The following CNTN5 variants were observed in gnomAD, a reference collection of about 807,000 sequenced individuals.
CNTN5 encodes contactin-5.
Under a neutral mutation model 129.1 loss-of-function variants are expected in CNTN5, and 77 were observed. The ratio of observed to expected loss-of-function variants is 0.60; its 90% CI spans 0.50 to 0.72. CNTN5 has a LOEUF of 0.72. CNTN5 is among the 30% of genes least tolerant of loss of function. The pLI, the probability that CNTN5 is intolerant of heterozygous loss-of-function variation, is 0.00. For missense variants in CNTN5, 1,478 were observed against 1,328.8 expected, an observed-to-expected ratio of 1.11 and a Z score of -1.75; for synonymous variants, 509 against 465.6, an observed-to-expected ratio of 1.09 and a Z score of -1.20.
intron 9 of CNTN5, among the ~76,000 whole-genome samples, chr11:100,060,849 C>T (rs2137804413): frequency 6.6e-6 from 1 of 152,050 alleles, no homozygotes; most frequent in African/African-American, 2.4e-5. Flanking sequence ...CCATGTTGCC[C>T]AGGCTGGTCT....
chr11:99,962,518 T>C (rs1396162544), intron 8 of CNTN5, among the ~76,000 whole-genome samples: 3 of 151,912 alleles, frequency 2.0e-5, no homozygotes, highest in East Asian at 1.9e-4. Flanking sequence ...TAGTATTCCA[T>C]GGTGTATATG....
intron 13 of CNTN5, among the ~76,000 whole-genome samples, chr11:100,162,670 G>C (rs922725511): frequency 6.6e-6 from 1 of 151,678 alleles, no homozygotes; most frequent in Non-Finnish European, 1.5e-5. Flanking sequence ...ATTACAATCA[G>C]GAACATCAAA....
intron 6 of CNTN5, among the ~76,000 whole-genome samples, chr11:99,898,859 TC>T (rs1197768845): frequency 1.3e-5 from 2 of 152,072 alleles, no homozygotes; most frequent in Non-Finnish European, 2.9e-5. Context: ...CCTGTATTTT[TC>T]TCATTTCACC....
chr11:99,445,167 A>G (rs1266857445), intron 2 of CNTN5, among the ~76,000 whole-genome samples: 1 of 149,780 alleles, frequency 6.7e-6, no homozygotes, highest in Non-Finnish European at 1.5e-5. Context: ...TTATATATAA[A>G]TAATATATGG....
chr11:99,372,244 A>G (rs1451498616), intron 2 of CNTN5, among the ~76,000 whole-genome samples: 1 of 152,134 alleles, frequency 6.6e-6, no homozygotes, highest in Non-Finnish European at 1.5e-5. Flanking sequence ...ATTTTACTAT[A>G]TTTTACCCAT....
At chr11:99,935,526 T>C (rs1023379953) in intron 7 of CNTN5, among the ~76,000 whole-genome samples, 2 of 152,126 alleles carry the variant, frequency 1.3e-5, no homozygotes, top group African/African-American at 4.8e-5. Context: ...TTTCTTATTG[T>C]AAATTGCTTT....
chr11:99,067,556 A>G (rs2135235432), intron 1 of CNTN5, among the ~76,000 whole-genome samples: 1 of 152,310 alleles, frequency 6.6e-6, no homozygotes, highest in Non-Finnish European at 1.5e-5. Flanking sequence ...AGTGCCATGT[A>G]CAGTAAGAAT....
At chr11:99,818,377 T>A (rs1312765631) in intron 3 of CNTN5, among the ~76,000 whole-genome samples, 1 of 152,116 alleles carries the variant, frequency 6.6e-6, no homozygotes, top group African/African-American at 2.4e-5. Flanking sequence ...CAGCTCAGCT[T>A]CCCCAGTAAC....
At chr11:99,621,519 C>G (rs1251733071) in intron 3 of CNTN5, among the ~76,000 whole-genome samples, 1 of 139,806 alleles carries the variant, frequency 7.2e-6, no homozygotes, top group East Asian at 2.2e-4. Flanking sequence ...AATAATATAT[C>G]TTTATAATAC....
chr11:100,214,035 T>A (rs1382056700), intron 15 of CNTN5, among the ~76,000 whole-genome samples: 2 of 152,154 alleles, frequency 1.3e-5, no homozygotes, highest in Admixed American at 6.6e-5. Flanking sequence ...ATTAAAATAT[T>A]TACTAGTATT....
chr11:100,191,104 A>C lies in CNTN5; in HGVS notation c.1581-22A>C, dbSNP rs749337162. The C allele has an allele frequency of 3.8e-6, 6 of 1,560,562 alleles. No homozygotes were observed. In the Admixed American group the frequency reaches 5.7e-5, roughly 15 times the overall value. ...TGATTGCAGTAAAACAGAAAAAAAA[A>C]CTGTTTTTAAATAATTTTCAGAATA... On this transcript the variant is annotated intron_variant, in intron 13 of 24. Coordinates refer to ENST00000524871, the MANE Select transcript of CNTN5 (RefSeq NM_014361.4).
At chr11:100,040,372 C>T (rs867313700) in intron 9 of CNTN5, among the ~76,000 whole-genome samples, 14 of 152,268 alleles carry the variant, frequency 9.2e-5, no homozygotes, top group South Asian at 2.1e-4. Context: ...GGTGTCAGTC[C>T]GCCCCTACTT....
In CNTN5 at chr11:99,844,971, T is replaced by A; in HGVS notation, c.397T>A (p.Tyr133Asn). The change falls in exon 5 of 25, where the codon TAC (tyrosine) becomes AAC (asparagine). Residue 133 changes from tyrosine to asparagine, a missense_variant. Physicochemically the swap from Tyr to Asn is moderately radical, Grantham distance 143. Coordinates refer to ENST00000524871, the MANE Select transcript of CNTN5 (RefSeq NM_014361.4). ...CEVRGNPVPSYRWLRNGTEID... is the reference protein window; with the variant it reads ...CEVRGNPVPSNRWLRNGTEID... ...AGTTCGTGGCAATCCAGTTCCCAGTTACAGGTAGGAATTCACTGTTAATCA... is the reference window on the plus strand; with the variant it reads ...AGTTCGTGGCAATCCAGTTCCCAGTAACAGGTAGGAATTCACTGTTAATCA... 8 of 1,613,246 alleles carry A rather than the reference T, an allele frequency of 5.0e-6. No homozygotes were observed. Among genetic ancestry groups the A allele is most frequent in the African/African-American group, 1.3e-5 (1 of 75,026 alleles).
intron 9 of CNTN5, among the ~76,000 whole-genome samples, chr11:100,054,436 T>A (rs1943115667): frequency 6.6e-6 from 1 of 151,848 alleles, no homozygotes; most frequent in Admixed American, 6.6e-5. Flanking sequence ...AGCTCATGTC[T>A]TTCTTCTAAT....
chr11:99,902,293 T>C (rs1949379999), intron 6 of CNTN5, among the ~76,000 whole-genome samples: 1 of 150,284 alleles, frequency 6.7e-6, no homozygotes, highest in Non-Finnish European at 1.5e-5. Flanking sequence ...TCCGAAAGAA[T>C]AACACTTCAT....
intron 6 of CNTN5, among the ~76,000 whole-genome samples, chr11:99,886,549 G>A (rs945781064): frequency 5.9e-5 from 9 of 152,180 alleles, no homozygotes; most frequent in Admixed American, 4.6e-4. Context: ...AGAGAGGTGT[G>A]GGTTAAGAAT....
At chr11:100,130,523 G>A (rs1028514131) in intron 13 of CNTN5, among the ~76,000 whole-genome samples, 1 of 152,170 alleles carries the variant, frequency 6.6e-6, no homozygotes, top group African/African-American at 2.4e-5. Flanking sequence ...AAGGGCCAAA[G>A]TATCCAGTGG....
chr11:99,959,347 A>G (rs1950883008), intron 8 of CNTN5, among the ~76,000 whole-genome samples: 1 of 152,148 alleles, frequency 6.6e-6, no homozygotes, highest in Non-Finnish European at 1.5e-5. Context: ...CCTCACGACC[A>G]CCACTTCACA....
At chr11:99,675,683 C>T (rs1229787623) in intron 3 of CNTN5, among the ~76,000 whole-genome samples, 2 of 152,008 alleles carry the variant, frequency 1.3e-5, no homozygotes, top group Non-Finnish European at 2.9e-5. Context: ...AAAACTCTGT[C>T]TCAAATAAAA....
Sources: allele counts gnomAD v4.1 joint callset (sites outside exome capture counted in the v4.1 genomes callset), GRCh38; gene constraint gnomAD v4.1.1; transcripts MANE v1.5; gene names NCBI Gene and HGNC (gene_info 2026-07-23, HGNC 2026-07-21).